The following GNAL variants were observed in gnomAD, a reference collection of about 807,000 sequenced individuals.
GNAL encodes guanine nucleotide-binding protein G(olf) subunit alpha.
In GNAL, 18 loss-of-function variants were observed where a neutral mutation model predicts 55.1. The observed-to-expected ratio is 0.33, with a 90% CI of 0.23 to 0.48. The LOEUF is 0.48. Among genes scored for constraint, GNAL ranks in the 20% least tolerant of loss-of-function variants. The pLI is 0.99. For synonymous variants in GNAL, 253 were observed against 237.0 expected, an observed-to-expected ratio of 1.07 and a Z score of -0.62; for missense variants, 412 against 614.1, an observed-to-expected ratio of 0.67 and a Z score of 3.48.
chr18:11,715,904 A>G (rs1311578281), intron 1 of GNAL, among the ~76,000 whole-genome samples: 1 of 152,174 alleles, frequency 6.6e-6, no homozygotes, highest in African/African-American at 2.4e-5. Flanking sequence ...AAAGCTCAAC[A>G]TCACTGATCA....
chr18:11,824,998 G>A lies in GNAL; in HGVS notation c.705G>A (p.Leu235=). 1.3e-6 allele frequency: 2 copies of A among 1,589,684 alleles called. No homozygotes were observed. Among genetic ancestry groups the A allele is most frequent in the South Asian group, 1.1e-5 (1 of 89,778 alleles). ...TTGAGAGATCCAACGAATACCAGCT[G>A]ATTGACTGTGCACAATAGTAAGTTG... ...ACFERSNEYQ[L]IDCAQYFLER... The change falls in exon 5 of 12, where the codon CTG becomes CTA. Residue 235 remains leucine (L), a synonymous_variant. Transcript: ENST00000334049.
intron 1 of GNAL, among the ~76,000 whole-genome samples, chr18:11,701,309 G>A (rs1347907789): frequency 6.6e-6 from 1 of 152,062 alleles, no homozygotes; most frequent in Non-Finnish European, 1.5e-5. Context: ...GCATAATGCT[G>A]GCCAGGCGCG....
chr18:11,743,429 AAT>A (rs1430349722), intron 1 of GNAL, among the ~76,000 whole-genome samples: 1 of 152,184 alleles, frequency 6.6e-6, no homozygotes, highest in Non-Finnish European at 1.5e-5. Flanking sequence ...TTTATACTAA[AAT>A]ATGTTTGTGA....
At chr18:11,694,189 A>G (rs2031340810) in intron 1 of GNAL, among the ~76,000 whole-genome samples, 1 of 152,030 alleles carries the variant, frequency 6.6e-6, no homozygotes, top group Non-Finnish European at 1.5e-5. Context: ...GTGTGAGGTT[A>G]GTCCCGTCTC....
intron 4 of GNAL, among the ~76,000 whole-genome samples, chr18:11,789,292 G>T (rs1261859867): frequency 6.6e-6 from 1 of 152,112 alleles, no homozygotes; most frequent in Non-Finnish European, 1.5e-5. Context: ...ATCACATGTT[G>T]CTGCCAGATA....
chr18:11,860,768 C>T (rs555686335), intron 5 of GNAL, among the ~76,000 whole-genome samples: 12 of 152,242 alleles, frequency 7.9e-5, no homozygotes, highest in South Asian at 2.1e-4. Flanking sequence ...GGGTGGACTC[C>T]GAACCCCTGG....
At chr18:11,741,564 A>G (rs2032576186) in intron 1 of GNAL, among the ~76,000 whole-genome samples, 1 of 152,226 alleles carries the variant, frequency 6.6e-6, no homozygotes, top group Admixed American at 6.5e-5. Context: ...ATCAGGGACA[A>G]TGTCTTATTT....
At chr18:11,792,515 A>G (rs2034267169) in intron 4 of GNAL, among the ~76,000 whole-genome samples, 1 of 152,198 alleles carries the variant, frequency 6.6e-6, no homozygotes, top group South Asian at 2.1e-4. Flanking sequence ...ATTACTTGGT[A>G]TGTCTTAGCC....
intron 1 of GNAL, among the ~76,000 whole-genome samples, chr18:11,743,971 C>T (rs1043682479): frequency 6.6e-6 from 1 of 151,850 alleles, no homozygotes; most frequent in Non-Finnish European, 1.5e-5. Context: ...ATAGTTCATT[C>T]TATTTGCAGG....
chr18:11,862,474 C>T, intron 6 of GNAL, 25 bp downstream of exon 6: 1 of 1,507,168 alleles, frequency 6.6e-7, no homozygotes, highest in Non-Finnish European at 9.2e-7. Flanking sequence ...GGTCCCCCAC[C>T]ACACACCAGA....
chr18:11,691,745 A>G lies in GNAL; in HGVS notation c.376+1806A>G, dbSNP rs141132050. ...CCTTTCCCCATTGCTTGTTTTTCTC[A>G]GGTTTCTCAAAGCACTTGCATTTTA... On this transcript the variant is annotated intron_variant, in intron 1 of 11. Coordinates refer to ENST00000334049, the MANE Select transcript of GNAL (RefSeq NM_182978.4). 3.6e-4 allele frequency among the ~76,000 whole-genome samples: 55 copies of G among 152,270 alleles called. No homozygotes were observed. The East Asian group carries it at 0.01, about 28-fold the overall frequency.
At chr18:11,722,825 A>C (rs377303441) in intron 1 of GNAL, among the ~76,000 whole-genome samples, 14 of 152,160 alleles carry the variant, frequency 9.2e-5, no homozygotes, top group South Asian at 6.2e-4. Flanking sequence ...CAGCCTGACC[A>C]ACATGGAGAA....
intron 4 of GNAL, among the ~76,000 whole-genome samples, chr18:11,792,545 G>A (rs2034268341): frequency 6.6e-6 from 1 of 152,212 alleles, no homozygotes; most frequent in African/African-American, 2.4e-5. Context: ...CTACTGAAGT[G>A]TTGACTTCTT....
At chr18:11,788,914 A>AAAAAAATATAT (rs60071996) in intron 4 of GNAL, among the ~76,000 whole-genome samples, 87 of 56,282 alleles carry the variant, frequency 1.5e-3, no homozygotes, top group South Asian at 2.9e-3. Flanking sequence ...AAAAAAAAAA[A>AAAAAAATATAT]ATATATATAT....
chr18:11,786,691 T>C (rs2034072401), intron 4 of GNAL, among the ~76,000 whole-genome samples: 1 of 151,318 alleles, frequency 6.6e-6, no homozygotes, highest in South Asian at 2.1e-4. Context: ...GACCTCGTGA[T>C]CTGCCCACCT....
At position 11,884,579 on chromosome 18, in the gene GNAL, G is replaced by A. The variant is rs144278251; in HGVS notation, c.*3444G>A. On this transcript the variant is annotated 3_prime_UTR_variant, in exon 12 of 12. Transcript: ENST00000334049. ...TAGATGATCAAAACCACATCCTCAC[G>A]TGGGAGGTAGCACTTGGAGAGGGTG... is the stretch of plus-strand genomic sequence containing the variant. 1.0e-4 allele frequency: 163 copies of A among 1,613,824 alleles called. No homozygotes were observed. The highest frequency in any genetic ancestry group is 4.5e-4 in the Admixed American group (27 of 59,992).
chr18:11,721,395 C>T (rs2032089230), intron 1 of GNAL, among the ~76,000 whole-genome samples: 1 of 152,200 alleles, frequency 6.6e-6, no homozygotes, highest in Non-Finnish European at 1.5e-5. Flanking sequence ...CATCAGTGGT[C>T]ACTCATCTTA....
chr18:11,836,642 G>A lies in GNAL; in HGVS notation c.722+11627G>A, dbSNP rs184624732. Among the ~76,000 whole-genome samples, 293 of 152,138 alleles carry A rather than the reference G, an allele frequency of 1.9e-3. 2 individuals carry two copies. Among genetic ancestry groups the A allele is most frequent in the African/African-American group, 6.9e-3 (286 of 41,500 alleles). The stretch of plus-strand genomic sequence containing the variant: ...TTCATTATCTTTATTTTGCAGATGA[G>A]GATATAAAGGCACATAAGATTACAT... On this transcript the variant is annotated intron_variant, in intron 5 of 11. Transcript: ENST00000334049.
intron 1 of GNAL, among the ~76,000 whole-genome samples, chr18:11,734,436 G>A (rs1226477675): frequency 1.3e-5 from 2 of 151,920 alleles, no homozygotes; most frequent in Non-Finnish European, 2.9e-5. Flanking sequence ...CCACCGCGCC[G>A]GGTGTAGATT....
Sources: gnomAD v4.1 joint callset for allele counts (sites outside exome capture counted in the v4.1 genomes callset) on GRCh38, gnomAD v4.1.1 for gene constraint, MANE v1.5 for transcripts, NCBI Gene and HGNC (gene_info 2026-07-23, HGNC 2026-07-21) for gene names.